OR2AK2: variants seen among roughly 807,000 people sequenced by gnomAD.
OR2AK2 encodes olfactory receptor 2AK2.
For missense variants in OR2AK2, 392 were observed against 384.1 expected, an observed-to-expected ratio of 1.02 and a Z score of -0.17; for synonymous variants, 139 against 147.2, an observed-to-expected ratio of 0.94 and a Z score of 0.40.
chr1:247,965,335 A>C lies in OR2AK2; in HGVS notation c.-42A>C. 6.4e-7 allele frequency: 1 copy of C among 1,555,954 alleles called. No homozygotes were observed. The highest frequency in any genetic ancestry group is 8.7e-7 in the Non-Finnish European group (1 of 1,154,180). On this transcript the variant is annotated 5_prime_UTR_variant, in exon 1 of 1. The change abolishes the stop of an existing upstream ORF in the 5' untranslated region. Coordinates refer to ENST00000366480, the Ensembl canonical transcript of OR2AK2. The stretch of plus-strand genomic sequence containing the variant: ...TAAGGGAAGTCAACATTATTACATG[A>C]ACATTTCAGATGTCATCTCCTTTGA...
chr1:247,965,471 C>G (rs201193767), exon 1 of OR2AK2: 2 of 1,613,826 alleles, frequency 1.2e-6, no homozygotes, highest in African/African-American at 2.7e-5. Flanking sequence ...GTCGTCATTG[C>G]CACCCTCTTT....
chr1:247,965,708 A>G (rs747628354), exon 1 of OR2AK2: 6 of 1,555,340 alleles, frequency 3.9e-6, no homozygotes, highest in Non-Finnish European at 5.2e-6. Flanking sequence ...GGTGGAACTG[A>G]AGCCCTTCTC....
exon 1 of OR2AK2, chr1:247,965,535 C>G (rs778591803): frequency 6.2e-7 from 1 of 1,612,800 alleles, no homozygotes; most frequent in South Asian, 1.1e-5. Context: ...GACTGAACAC[C>G]AGACTCCACA....
chr1:247,965,458 T>A, exon 1 of OR2AK2: 1 of 1,613,970 alleles, frequency 6.2e-7, no homozygotes, highest in Middle Eastern at 1.6e-4. Flanking sequence ...CTCTCTTCTC[T>A]TTGTCGTCAT....
At chr1:247,966,264 A>T in exon 1 of OR2AK2, 1 of 1,613,444 alleles carries the variant, frequency 6.2e-7, no homozygotes, top group Non-Finnish European at 8.5e-7. Flanking sequence ...GAAATAAGGA[A>T]GTGACGGGGG....
At chr1:247,966,004 C>A (rs1223026903) in exon 1 of OR2AK2, 1 of 1,612,792 alleles carries the variant, frequency 6.2e-7, no homozygotes, top group Non-Finnish European at 8.5e-7. Context: ...CTTGCTACTA[C>A]CATTCCTAGC....
Position 247,965,556 on chromosome 1 carries a change from C to A in OR2AK2, c.180C>A (p.Tyr60Ter), listed in dbSNP as rs934206742. Reference sequence around the variant, plus strand: ...ACACCAGACTCCACACTCCAATGTACTTTCTGCTCAGTCAGCTCTCCATCG... The same window carrying A: ...ACACCAGACTCCACACTCCAATGTAATTTCTGCTCAGTCAGCTCTCCATCG... The change falls in exon 1 of 1, where the codon TAC (tyrosine) becomes TAA (stop). Residue 60 changes from tyrosine (Y) to a stop codon, truncating the protein, a stop_gained. Transcript: ENST00000366480. LOFTEE classifies it low-confidence loss of function (END_TRUNC). The A allele has an allele frequency of 6.2e-7, 1 of 1,609,078 alleles. No homozygotes were observed. The highest frequency in any genetic ancestry group is 8.5e-7 in the Non-Finnish European group (1 of 1,177,728).
exon 1 of OR2AK2, chr1:247,965,784 G>T (rs2103032878): frequency 6.2e-7 from 1 of 1,600,138 alleles, no homozygotes; most frequent in East Asian, 2.2e-5. Context: ...CTATGCTTAT[G>T]AGCAAGAAGA....
rs758072543 is a variant in OR2AK2, at chr1:247,966,269, CG to C, written c.898del (p.Ala300GlnfsTer2). The C allele has an allele frequency of 4.3e-6, 7 of 1,613,274 alleles. No individual in the cohort carries two copies. The highest frequency in any genetic ancestry group is 5.9e-6 in the Non-Finnish European group (7 of 1,179,668). Reference sequence around the variant, plus strand: ...TACAGCCTGAGAAATAAGGAAGTGACGGGGGCAGTGAGGAGACTGTTGGGAT... The same window carrying C: ...TACAGCCTGAGAAATAAGGAAGTGACGGGGCAGTGAGGAGACTGTTGGGAT... On this transcript the variant is annotated frameshift_variant, in exon 1 of 1. Transcript: ENST00000366480. LOFTEE classifies it low-confidence loss of function (END_TRUNC).
In OR2AK2 at chr1:247,965,469, T is replaced by C. The variant is rs746450490; in HGVS notation, c.93T>C (p.Ile31=). The change falls in exon 1 of 1, where the codon ATT becomes ATC. Residue 31 remains isoleucine, a synonymous_variant. Coordinates refer to ENST00000366480, the Ensembl canonical transcript of OR2AK2. ...TAAACTCTCTTCTCTTTGTCGTCAT[T>C]GCCACCCTCTTTACAGTTGCTCTGA... is the stretch of plus-strand genomic sequence containing the variant. 4 of 1,614,004 alleles carry C rather than the reference T, an allele frequency of 2.5e-6. No homozygotes were observed. In the South Asian group the frequency reaches 4.4e-5, roughly 18 times the overall value.
At chr1:247,966,102 C>G (rs1660965663) in exon 1 of OR2AK2, 1 of 1,613,968 alleles carries the variant, frequency 6.2e-7, no homozygotes, top group Non-Finnish European at 8.5e-7. Flanking sequence ...CCACTTGTTC[C>G]TCCCACCTGA....
exon 1 of OR2AK2, chr1:247,966,298 T>C: frequency 6.2e-7 from 1 of 1,613,540 alleles, no homozygotes; most frequent in Non-Finnish European, 8.5e-7. Flanking sequence ...GTTGGGATAT[T>C]GGATATGCTG....
In OR2AK2 at chr1:247,966,003, ACCATTCCTAG is replaced by A; in HGVS notation, c.634_643del (p.Leu212TrpfsTer14). 2 of 1,612,992 alleles carry A rather than the reference ACCATTCCTAG, an allele frequency of 1.2e-6. No individual in the cohort carries two copies. On this transcript the variant is annotated frameshift_variant, in exon 1 of 1. Transcript: ENST00000366480. LOFTEE classifies it low-confidence loss of function (END_TRUNC). ...TGAGTGGACTTATTATCTTGCTACT[ACCATTCCTAG>A]CCATTCTGGCTTCCTATGCTCGTGT...
At chr1:247,965,897 T>G (rs1660959264) in exon 1 of OR2AK2, 1 of 1,613,228 alleles carries the variant, frequency 6.2e-7, no homozygotes, top group Admixed American at 1.7e-5. Flanking sequence ...TCTCGGCTCA[T>G]TAACCACTTT....
chr1:247,966,325 A>G (rs757739118), exon 1 of OR2AK2: 1 of 1,612,354 alleles, frequency 6.2e-7, no homozygotes, highest in Non-Finnish European at 8.5e-7. Flanking sequence ...ATATGACTTC[A>G]GATCTCTGTA....
At chr1:247,966,219 C>T in exon 1 of OR2AK2, 1 of 1,613,496 alleles carries the variant, frequency 6.2e-7, no homozygotes. Flanking sequence ...ACACCATTGT[C>T]ACACCTCTAC....
chr1:247,966,302 T>C (rs2103033496), exon 1 of OR2AK2: 2 of 1,613,470 alleles, frequency 1.2e-6, no homozygotes, highest in East Asian at 2.2e-5. Flanking sequence ...GGATATTGGA[T>C]ATGCTGTAGA....
chr1:247,965,564 T>G, exon 1 of OR2AK2: 1 of 1,605,842 alleles, frequency 6.2e-7, no homozygotes, highest in East Asian at 2.2e-5. Context: ...TACTTTCTGC[T>G]CAGTCAGCTC....
At chr1:247,966,376 C>T in exon 1 of OR2AK2, 2 of 1,555,164 alleles carry the variant, frequency 1.3e-6, no homozygotes, top group Non-Finnish European at 1.7e-6. Flanking sequence ...TTCCTGAAAA[C>T]TATCTGGAAA....
Sources: gnomAD v4.1 joint callset for allele counts on GRCh38, gnomAD v4.1.1 for gene constraint, MANE v1.5 for transcripts, NCBI Gene and HGNC (gene_info 2026-07-23, HGNC 2026-07-21) for gene names.